ATRX: variants seen among roughly 807,000 people sequenced by gnomAD.
The protein encoded by ATRX is ATRX chromatin remodeler, also known as chromatin remodeler ATRX.
A neutral mutation model predicts 172.6 loss-of-function variants in ATRX; 12 were observed. The ratio of observed to expected loss-of-function variants is 0.07; its 90% CI spans 0.04 to 0.11. The LOEUF (loss-of-function observed/expected upper bound fraction) is 0.11. ATRX is among the 10% of genes least tolerant of loss of function. The pLI is 1.00. For synonymous variants in ATRX, 674 were observed against 594.7 expected, an observed-to-expected ratio of 1.13 and a Z score of -1.94; for missense variants, 1,368 against 1,767.4, an observed-to-expected ratio of 0.77 and a Z score of 4.05.
At chrX:77,673,817 G>A (rs1163579506) in intron 10 of ATRX, 1 of 110,597 alleles carries the variant, frequency 9.0e-6, no homozygotes, top group Non-Finnish European at 1.9e-5. Flanking sequence ...GGAATTAAAA[G>A]TATTTACGTC....
intron 1 of ATRX, among the ~76,000 whole-genome samples, chrX:77,752,879 T>C (rs78050244): frequency 1.8e-5 from 2 of 112,036 alleles, no homozygotes; most frequent in South Asian, 7.4e-4. Context: ...CAGTATTTTA[T>C]TGAGGATTTT....
intron 1 of ATRX, among the ~76,000 whole-genome samples, chrX:77,764,704 CAGA>C (rs782325466): frequency 1.8e-5 from 2 of 111,900 alleles, no homozygotes; most frequent in Non-Finnish European, 1.9e-5. Context: ...GTACAGTAAG[CAGA>C]AGGACTGTTC....
At chrX:77,631,019 G>C (rs1663798972) in intron 19 of ATRX, among the ~76,000 whole-genome samples, 1 of 110,551 alleles carries the variant, frequency 9.0e-6, no homozygotes, top group Admixed American at 9.6e-5. Context: ...TCAGTAAAAG[G>C]AACCATGATG....
At position 77,682,761 on chromosome X, in the gene ATRX, C is replaced by T. The variant is rs1156857221; in HGVS notation, c.2495G>A (p.Gly832Asp). ...TCTTTTTTTGGTGGTTCTGGCAGCA[C>T]CAATTTTACTCATGCTCTTTATCTC... Reference protein sequence around the residue: ...EKEIKSMSKIGAARTTKKRIP... With the variant: ...EKEIKSMSKIDAARTTKKRIP... Residue 832 changes from glycine (G) to aspartate (D), a missense_variant, in exon 9 of 35, where the codon GGT (glycine) becomes GAT (aspartate). Physicochemically the swap from Gly to Asp is moderately conservative, Grantham distance 94. Around this residue, in one of 17 missense-constraint regions of ATRX, gnomAD observed 843 missense variants for 643.1 expected, o/e 1.31. Transcript: ENST00000373344. The T allele has an allele frequency of 8.3e-7, 1 of 1,208,393 alleles. No individual in the cohort carries two copies. Among genetic ancestry groups the T allele is most frequent in the African/African-American group, 1.8e-5 (1 of 56,895 alleles).
intron 19 of ATRX, among the ~76,000 whole-genome samples, chrX:77,622,142 C>T (rs1413731581): frequency 2.7e-5 from 3 of 111,256 alleles, no homozygotes; most frequent in African/African-American, 9.8e-5. Flanking sequence ...ACCCTTTGAC[C>T]CATATTTCAA....
intron 1 of ATRX, among the ~76,000 whole-genome samples, chrX:77,784,230 G>A (rs183766167): frequency 9.0e-6 from 1 of 111,360 alleles, no homozygotes; most frequent in African/African-American, 3.3e-5. Flanking sequence ...CGGTAAAATG[G>A]GCAAAACCAA....
At chrX:77,634,232 TAAAAAAAAAAAA>T (rs144290953) in intron 17 of ATRX, among the ~76,000 whole-genome samples, 77 of 54,071 alleles carry the variant, frequency 1.4e-3, no homozygotes, top group African/African-American at 3.1e-3. Context: ...TTAAAAGTTG[TAAAAAAAAAAAA>T]AAAAAAAAAA....
chrX:77,668,267 A>C (rs1191001411), intron 10 of ATRX, among the ~76,000 whole-genome samples: 1 of 111,278 alleles, frequency 9.0e-6, no homozygotes, highest in Non-Finnish European at 1.9e-5. Flanking sequence ...GTCACGGGCC[A>C]CAGAGACTTC....
chrX:77,657,708 A>G (rs1056316232), intron 12 of ATRX, among the ~76,000 whole-genome samples: 4 of 112,293 alleles, frequency 3.6e-5, no homozygotes. Flanking sequence ...CTAGGCAAAT[A>G]CCACAGTACT....
At chrX:77,533,887 T>A (rs1488919471) in intron 30 of ATRX, among the ~76,000 whole-genome samples, 2 of 112,438 alleles carry the variant, frequency 1.8e-5, no homozygotes, top group African/African-American at 6.5e-5. Context: ...CTTCATCATT[T>A]CTAATAGCTG....
chrX:77,517,676 C>A (rs1185802916), intron 34 of ATRX, among the ~76,000 whole-genome samples: 2 of 111,711 alleles, frequency 1.8e-5, no homozygotes, highest in Non-Finnish European at 3.8e-5. Flanking sequence ...TTCTATAAGG[C>A]CAGTAACACC....
chrX:77,670,904 T>C (rs1444375919), intron 10 of ATRX, among the ~76,000 whole-genome samples: 1 of 106,699 alleles, frequency 9.4e-6, no homozygotes, highest in Non-Finnish European at 1.9e-5. Context: ...TCCCAGCACT[T>C]TGGGAGGCTG....
chrX:77,753,499 T>C (rs1205451789), intron 1 of ATRX, among the ~76,000 whole-genome samples: 2 of 111,545 alleles, frequency 1.8e-5, no homozygotes, highest in African/African-American at 3.3e-5. Flanking sequence ...TCTTGTCTTC[T>C]GCTGGCTTTT....
intron 1 of ATRX, among the ~76,000 whole-genome samples, chrX:77,754,670 A>T (rs1190424573): frequency 1.8e-5 from 2 of 110,893 alleles, no homozygotes; most frequent in Non-Finnish European, 3.8e-5. Context: ...ATTGGCCCCC[A>T]CTCTCTTCTG....
chrX:77,709,203 C>A (rs1557159083), intron 2 of ATRX, among the ~76,000 whole-genome samples: 1 of 112,178 alleles, frequency 8.9e-6, no homozygotes, highest in Admixed American at 9.5e-5. Context: ...CACTGCACTC[C>A]AGCCTGGGCA....
At chrX:77,637,939 C>CAAAAAAAA (rs373944111) in intron 15 of ATRX, among the ~76,000 whole-genome samples, 7 of 42,861 alleles carry the variant, frequency 1.6e-4, no homozygotes, top group Non-Finnish European at 2.4e-4. Flanking sequence ...AGCTCCATCT[C>CAAAAAAAA]AAAAAAAAAA....
intron 10 of ATRX, among the ~76,000 whole-genome samples, chrX:77,671,167 A>AAAAAAT (rs1424480831): frequency 7.8e-3 from 122 of 15,719 alleles, no homozygotes; most frequent in Non-Finnish European, 0.012. Flanking sequence ...AAAAAAAAAA[A>AAAAAAT]ATATATATAT....
chrX:77,593,660 G>A, intron 26 of ATRX, 36 bp downstream of exon 26: 3 of 1,158,443 alleles, frequency 2.6e-6, no homozygotes, highest in Non-Finnish European at 2.4e-6. Flanking sequence ...ATAATCAAAA[G>A]GTTAATTTAT....
chrX:77,684,804 G>T, intron 8 of ATRX, 135 bp downstream of exon 8: 1 of 772,641 alleles, frequency 1.3e-6, no homozygotes, highest in Non-Finnish European at 1.9e-6. Flanking sequence ...TAAATCCAGG[G>T]TTTTATGGAA....
Sources: gnomAD v4.1 joint callset for allele counts (sites outside exome capture counted in the v4.1 genomes callset) on GRCh38, gnomAD v4.1.1 for gene constraint, gnomAD v4.1.1 regional missense constraint, MANE v1.5 for transcripts, NCBI Gene and HGNC (gene_info 2026-07-23, HGNC 2026-07-21) for gene names.